Variants in STAG1 observed in about 807,000 individuals in gnomAD.
STAG1 encodes the protein cohesin subunit SA-1.
Under a neutral mutation model 170.9 loss-of-function variants are expected in STAG1, and 26 were observed. The observed-to-expected ratio is 0.15, with a 90% CI of 0.11 to 0.21. The LOEUF (loss-of-function observed/expected upper bound fraction) is 0.21, where lower values mean the gene tolerates loss of function less well. Ranked by LOEUF, STAG1 falls within the 10% of genes least tolerant of loss-of-function variation. STAG1 has a pLI of 1.00. For missense variants in STAG1, 964 were observed against 1,509.5 expected, an observed-to-expected ratio of 0.64 and a Z score of 5.99; for synonymous variants, 514 against 497.7, an observed-to-expected ratio of 1.03 and a Z score of -0.44.
chr3:136,525,911 TG>T (rs1238230960), intron 6 of STAG1, among the ~76,000 whole-genome samples: 1 of 152,192 alleles, frequency 6.6e-6, no homozygotes, highest in African/African-American at 2.4e-5. Context: ...CAGTTTTGAG[TG>T]AGTTTCTTAA....
intron 1 of STAG1, among the ~76,000 whole-genome samples, chr3:136,674,158 G>GGAGAGAGA (rs1273124993): frequency 2.7e-5 from 1 of 36,896 alleles, no homozygotes; most frequent in Non-Finnish European, 5.3e-5. Context: ...AGGGAGAGAG[G>GGAGAGAGA]GAGGGAGGGA....
intron 1 of STAG1, among the ~76,000 whole-genome samples, chr3:136,660,079 A>C (rs1027651348): frequency 6.6e-6 from 1 of 152,258 alleles, no homozygotes; most frequent in Non-Finnish European, 1.5e-5. Context: ...GCGTGTGCGC[A>C]TGTGTGTCTG....
In STAG1 at chr3:136,363,384, G is replaced by A; in HGVS notation, c.2769C>T (p.Leu923=). 6.3e-7 allele frequency: 1 copy of A among 1,597,474 alleles called. No homozygotes were observed. The highest frequency in any genetic ancestry group is 1.3e-5 in the African/African-American group (1 of 74,432). The change falls in exon 26 of 34, where the codon CTC becomes CTT. Residue 923 remains leucine, a synonymous_variant. Coordinates refer to ENST00000383202, the MANE Select transcript of STAG1 (RefSeq NM_005862.3). Reference sequence around the variant, plus strand: ...TTCTTACCTGTTGCAAACTGAGAATGAGAGTCTTGGCACACTGAATTTTAT... The same window carrying A: ...TTCTTACCTGTTGCAAACTGAGAATAAGAGTCTTGGCACACTGAATTTTAT... ...QIDKIQCAKT[L]ILSLQQLFNE... is the part of the protein sequence containing the mutation.
At chr3:136,484,267 C>G (rs1457231776) in intron 9 of STAG1, among the ~76,000 whole-genome samples, 1 of 151,958 alleles carries the variant, frequency 6.6e-6, no homozygotes. Flanking sequence ...TGTTAGATGT[C>G]CTTTCTGGTT....
intron 15 of STAG1, among the ~76,000 whole-genome samples, chr3:136,438,971 C>T (rs1375081986): frequency 3.3e-5 from 5 of 151,232 alleles, no homozygotes; most frequent in Admixed American, 6.6e-5. Flanking sequence ...CCAAGGCAGG[C>T]GGATCACTTG....
chr3:136,514,171 G>A (rs571716507), intron 7 of STAG1, among the ~76,000 whole-genome samples: 24 of 152,232 alleles, frequency 1.6e-4, no homozygotes, highest in Admixed American at 3.9e-4. Flanking sequence ...CGAAAAGTAT[G>A]TTAAAACATT....
intron 26 of STAG1, among the ~76,000 whole-genome samples, chr3:136,361,024 T>G (rs1936844163): frequency 6.6e-6 from 1 of 152,210 alleles, no homozygotes. Flanking sequence ...AAACTTAAAG[T>G]GTACATTTAA....
At chr3:136,439,765 T>A (rs1288856472) in intron 15 of STAG1, among the ~76,000 whole-genome samples, 1 of 152,224 alleles carries the variant, frequency 6.6e-6, no homozygotes, top group Admixed American at 6.5e-5. Flanking sequence ...AGTCATTATG[T>A]AGATACAGTT....
chr3:136,565,011 A>AAGGAAGGAAGGAAGGAAGGAAGGAAGGC (rs1207671431), intron 5 of STAG1, among the ~76,000 whole-genome samples: 1 of 45,452 alleles, frequency 2.2e-5, no homozygotes, highest in Non-Finnish European at 4.5e-5. Flanking sequence ...GGAAGGAAGG[A>AAGGAAGGAAGGAAGGAAGGAAGGAAGGC]AGGCAGGCAG....
chr3:136,390,066 T>C (rs1351313194), intron 22 of STAG1, among the ~76,000 whole-genome samples: 1 of 151,954 alleles, frequency 6.6e-6, no homozygotes, highest in African/African-American at 2.4e-5. Flanking sequence ...CTCCTGACCT[T>C]GTGATCTGCC....
At chr3:136,688,775 G>C (rs1173187077) in intron 1 of STAG1, among the ~76,000 whole-genome samples, 1 of 152,170 alleles carries the variant, frequency 6.6e-6, no homozygotes, top group South Asian at 2.1e-4. Context: ...GACTAAAAAA[G>C]CAGAGTGACC....
At chr3:136,454,683 G>A (rs2089054783) in intron 13 of STAG1, among the ~76,000 whole-genome samples, 1 of 152,110 alleles carries the variant, frequency 6.6e-6, no homozygotes, top group Non-Finnish European at 1.5e-5. Context: ...CCCAGTTTGT[G>A]CCAATTTAAA....
intron 2 of STAG1, among the ~76,000 whole-genome samples, chr3:136,624,626 G>T (rs1576681986): frequency 6.6e-6 from 1 of 152,002 alleles, no homozygotes; most frequent in South Asian, 2.1e-4. Flanking sequence ...TATTGTAATG[G>T]GTATAGACCA....
chr3:136,491,829 T>TA (rs2090130525), intron 9 of STAG1, among the ~76,000 whole-genome samples: 1 of 151,834 alleles, frequency 6.6e-6, no homozygotes. Flanking sequence ...CCTGTCTCTA[T>TA]TAAAAATACA....
chr3:136,516,456 C>T (rs773321753), intron 7 of STAG1, among the ~76,000 whole-genome samples: 39 of 152,006 alleles, frequency 2.6e-4, no homozygotes, highest in Non-Finnish European at 4.7e-4. Flanking sequence ...TGCAAGGAAA[C>T]AAAACCATGC....
intron 1 of STAG1, among the ~76,000 whole-genome samples, chr3:136,652,935 C>T (rs987683812): frequency 6.6e-5 from 10 of 152,154 alleles, no homozygotes; most frequent in Middle Eastern, 3.4e-3. Flanking sequence ...CCACACATTG[C>T]CAAATGTCCC....
At chr3:136,367,273 A>T (rs148436938) in intron 24 of STAG1, among the ~76,000 whole-genome samples, 191 bp from the exon 25 acceptor site, 29 of 152,268 alleles carry the variant, frequency 1.9e-4, no homozygotes, top group African/African-American at 6.3e-4. Context: ...TTTATCAAAC[A>T]TTTAATAGGT....
At position 136,500,213 on chromosome 3, in the gene STAG1, A is replaced by C; in HGVS notation, c.902+10T>G. Reference sequence around the variant, plus strand: ...GAAAAGCCTTCAAAATTATTTTTAAAATCTCTTACCGGTATCTATGAACAA... The same window carrying C: ...GAAAAGCCTTCAAAATTATTTTTAACATCTCTTACCGGTATCTATGAACAA... On this transcript the variant is annotated intron_variant, in intron 9 of 33. Coordinates refer to ENST00000383202, the MANE Select transcript of STAG1 (RefSeq NM_005862.3). 1 of 1,506,086 alleles carries C rather than the reference A, an allele frequency of 6.6e-7. No homozygotes were observed. Among genetic ancestry groups the C allele is most frequent in the Non-Finnish European group, 9.1e-7 (1 of 1,097,084 alleles). The allele number at this position is 1,506,086 out of a possible 1,614,324, so 93.3% of individuals were successfully genotyped here.
At chr3:136,603,260 C>T (rs1221996891) in intron 4 of STAG1, among the ~76,000 whole-genome samples, 2 of 151,646 alleles carry the variant, frequency 1.3e-5, no homozygotes, top group Non-Finnish European at 2.9e-5. Context: ...GGCACAATCT[C>T]GGCTCACTGC....
Sources: gnomAD v4.1 joint callset for allele counts (sites outside exome capture counted in the v4.1 genomes callset) on GRCh38, gnomAD v4.1.1 for gene constraint, MANE v1.5 for transcripts, NCBI Gene and HGNC (gene_info 2026-07-23, HGNC 2026-07-21) for gene names.